Variants in UBE4A observed in about 807,000 individuals in gnomAD.
UBE4A encodes ubiquitin conjugation factor E4 A.
Under a neutral mutation model 117.9 loss-of-function variants are expected in UBE4A, and 48 were observed. The observed-to-expected ratio is 0.41, with a 90% CI of 0.32 to 0.52. The LOEUF is 0.52. Ranked by LOEUF, UBE4A falls within the 20% of genes least tolerant of loss-of-function variation. UBE4A has a pLI of 0.33. For missense variants in UBE4A, 1,067 were observed against 1,296.3 expected (o/e 0.82, Z 2.72); for synonymous variants, 407 against 450.0 (o/e 0.90, Z 1.21).
At chr11:118,392,204 G>A (rs1555128658) in intron 18 of UBE4A, among the ~76,000 whole-genome samples, 3 of 152,122 alleles carry the variant, frequency 2.0e-5, no homozygotes. Flanking sequence ...TTTTTATTGA[G>A]TTGGACTTCA....
intron 11 of UBE4A, among the ~76,000 whole-genome samples, chr11:118,380,392 G>T (rs1555126146): frequency 6.6e-6 from 1 of 151,862 alleles, no homozygotes; most frequent in Non-Finnish European, 1.5e-5. Context: ...AGATTGGCCT[G>T]GGCAACATAG....
intron 9 of UBE4A, 27 bp downstream of exon 9, chr11:118,375,256 C>CTG (rs61368823): frequency 0.13 from 189,806 of 1,468,944 alleles, 4,758 homozygotes; most frequent in East Asian, 0.39. Flanking sequence ...CTTCTCAAAA[C>CTG]TGTGTGTGTG....
intron 1 of UBE4A, among the ~76,000 whole-genome samples, chr11:118,361,169 G>A (rs1482767095): frequency 6.6e-6 from 1 of 151,842 alleles, no homozygotes; most frequent in Admixed American, 6.6e-5. Context: ...GCCTGGCTAA[G>A]GTGTGGTGGT....
chr11:118,360,961 AATAC>A (rs1948515320), intron 1 of UBE4A, among the ~76,000 whole-genome samples: 1 of 151,660 alleles, frequency 6.6e-6, no homozygotes, highest in South Asian at 2.1e-4. Flanking sequence ...TAGGAAAAAA[AATAC>A]ATACATATAT....
At chr11:118,377,559 C>T (rs565993579) in intron 10 of UBE4A, among the ~76,000 whole-genome samples, 2 of 152,150 alleles carry the variant, frequency 1.3e-5, no homozygotes, top group East Asian at 3.9e-4. Context: ...CACTGTCTTC[C>T]TATTGTGATC....
chr11:118,361,060 G>C (rs1948517192), intron 1 of UBE4A, among the ~76,000 whole-genome samples: 1 of 134,432 alleles, frequency 7.4e-6, no homozygotes, highest in African/African-American at 2.8e-5. Flanking sequence ...CCCAGGCTCT[G>C]CTCTGGAGTG....
chr11:118,376,570 T>C lies in UBE4A; in HGVS notation c.1451-4T>C. 1.2e-6 allele frequency: 2 copies of C among 1,611,826 alleles called. No individual in the cohort carries two copies. The highest frequency in any genetic ancestry group is 1.7e-6 in the Non-Finnish European group (2 of 1,179,372). On this transcript the variant is annotated splice_polypyrimidine_tract_variant and splice_region_variant and intron_variant, in intron 9 of 19. Coordinates refer to ENST00000252108, the MANE Select transcript of UBE4A (RefSeq NM_001204077.2). ...CCCTCTTTTTTTTTTTTAACTTCTT[T>C]GAGGTTTGGACAAAGAAACCTGTTT...
intron 13 of UBE4A, among the ~76,000 whole-genome samples, chr11:118,383,761 T>G (rs879983782): frequency 1.3e-5 from 2 of 152,158 alleles, no homozygotes; most frequent in Non-Finnish European, 2.9e-5. Context: ...TAAATACAAC[T>G]AACATTTAAA....
At position 118,373,175 on chromosome 11, in the gene UBE4A, C is replaced by T; in HGVS notation, c.811C>T (p.Pro271Ser). Residue 271 changes from proline to serine, a missense_variant, in exon 7 of 20, where the codon CCA becomes TCA. This residue lies in a region of UBE4A where 1,001 missense variants were observed against 1,184.0 expected (regional missense o/e 0.85). Coordinates refer to ENST00000252108, the MANE Select transcript of UBE4A (RefSeq NM_001204077.2). ...TAGAACATTTCCAGAAGTCATGATT[C>T]CAGTGTTTGATATTTTATTGGGCCG... is the stretch of plus-strand genomic sequence containing the variant. ...EVRTFPEVMI[P>S]VFDILLGRIK... 6.2e-7 allele frequency: 1 copy of T among 1,613,916 alleles called. No individual in the cohort carries two copies. Among genetic ancestry groups the T allele is most frequent in the East Asian group, 2.2e-5 (1 of 44,844 alleles).
At chr11:118,379,845 G>T in intron 11 of UBE4A, 95 bp downstream of exon 11, 1 of 1,372,726 alleles carries the variant, frequency 7.3e-7, no homozygotes, top group Non-Finnish European at 9.8e-7. Flanking sequence ...CCCTTTCTTC[G>T]TTATCATTCA....
chr11:118,380,120 TGTG>T (rs1948688828), intron 11 of UBE4A, among the ~76,000 whole-genome samples: 1 of 90,764 alleles, frequency 1.1e-5, no homozygotes, highest in African/African-American at 4.5e-5. Flanking sequence ...GGAAAGAGTG[TGTG>T]TGTGTGTGTG....
chr11:118,393,015 T>G, intron 19 of UBE4A, 120 bp downstream of exon 19: 1 of 1,019,108 alleles, frequency 9.8e-7, no homozygotes, highest in East Asian at 2.7e-5. Context: ...ATTGATTTAC[T>G]GATATGTTGG....
At chr11:118,364,226 T>C (rs553490752) in intron 1 of UBE4A, among the ~76,000 whole-genome samples, 1 of 152,200 alleles carries the variant, frequency 6.6e-6, no homozygotes, top group South Asian at 2.1e-4. Flanking sequence ...TGAGGAAATG[T>C]AATCAGAAGA....
chr11:118,381,313 T>C, intron 11 of UBE4A, 78 bp from the exon 12 acceptor site: 2 of 1,535,036 alleles, frequency 1.3e-6, no homozygotes, highest in Non-Finnish European at 1.8e-6. Context: ...TTAAGTAGGG[T>C]GAAAGGAATT....
At position 118,398,345 on chromosome 11, in the gene UBE4A, T is replaced by C. The variant is rs1349710287; in HGVS notation, c.*1905T>C. 1.3e-5 allele frequency: 2 copies of C among 152,640 alleles called. No individual in the cohort carries two copies. Among genetic ancestry groups the C allele is most frequent in the Non-Finnish European group, 2.9e-5 (2 of 68,056 alleles). The allele number at this position is 152,640 out of a possible 1,614,324, so 9.5% of individuals were successfully genotyped here. ...TTGTAAGCCTTTTCTGGCAAGCTTT[T>C]CTTCTTTTTTTAAACTCTTTTCCTG... On this transcript the variant is annotated 3_prime_UTR_variant, in exon 20 of 20. Transcript: ENST00000252108.
intron 19 of UBE4A, 93 bp from the exon 20 acceptor site, chr11:118,396,221 T>C (rs951161012): frequency 8.0e-6 from 12 of 1,492,702 alleles, no homozygotes; most frequent in Non-Finnish European, 8.9e-6. Flanking sequence ...TCTGGCTTCA[T>C]TCTTAAGATG....
At chr11:118,375,581 G>A (rs948413835) in intron 9 of UBE4A, among the ~76,000 whole-genome samples, 9 of 151,206 alleles carry the variant, frequency 6.0e-5, no homozygotes, top group South Asian at 2.1e-4. Context: ...GGATAGTCTC[G>A]ATCTCTTGAC....
chr11:118,385,004 T>A (rs1948743512), intron 15 of UBE4A, 59 bp downstream of exon 15: 2 of 1,427,006 alleles, frequency 1.4e-6, no homozygotes, highest in Non-Finnish European at 9.6e-7. Flanking sequence ...TCATCAGCAG[T>A]ACATACATTT....
Position 118,389,765 on chromosome 11 carries a change from C to T in UBE4A, c.2628C>T (p.Arg876=), listed in dbSNP as rs1948795467. The change falls in exon 17 of 20, where the codon CGC becomes CGT. Residue 876 remains arginine (R), a synonymous_variant. Coordinates refer to ENST00000252108, the MANE Select transcript of UBE4A (RefSeq NM_001204077.2). ...TTGTGCATCCCTTCCTGGCTGAGCG[C>T]ATCATCTCCATGTTGAACTACTTCC... ...SLFVHPFLAE[R]IISMLNYFLQ... is the part of the protein sequence containing the mutation. The T allele has an allele frequency of 6.2e-7, 1 of 1,613,400 alleles. No individual in the cohort carries two copies. The highest frequency in any genetic ancestry group is 1.3e-5 in the African/African-American group (1 of 74,916).
Sources: allele counts gnomAD v4.1 joint callset (sites outside exome capture counted in the v4.1 genomes callset), GRCh38; gene constraint gnomAD v4.1.1; regional missense constraint gnomAD v4.1.1; transcripts MANE v1.5; gene names NCBI Gene and HGNC (gene_info 2026-07-23, HGNC 2026-07-21).